Variants in ARHGEF3 observed in about 807,000 individuals in gnomAD.
ARHGEF3 encodes 59.8 kDA protein.
A neutral mutation model predicts 63.2 loss-of-function variants in ARHGEF3; 28 were observed. That is an observed-to-expected ratio of 0.44 (90% CI 0.33 to 0.61). The LOEUF (loss-of-function observed/expected upper bound fraction) is 0.61. Among genes scored for constraint, ARHGEF3 ranks in the 20% least tolerant of loss-of-function variants. The pLI is 0.03. For synonymous variants in ARHGEF3, 266 were observed against 254.2 expected, an observed-to-expected ratio of 1.05 and a Z score of -0.44; for missense variants, 533 against 659.3, an observed-to-expected ratio of 0.81 and a Z score of 2.10.
chr3:56,830,392 A>T (rs4681706), intron 4 of ARHGEF3, among the ~76,000 whole-genome samples: 148,906 of 152,248 alleles, frequency 0.98, 72,912 homozygotes, highest in East Asian at 1. Context: ...ACCTTATCCA[A>T]CTACTTCTCT....
chr3:56,788,281 G>T (rs2036921453), intron 1 of ARHGEF3, among the ~76,000 whole-genome samples: 1 of 152,114 alleles, frequency 6.6e-6, no homozygotes, highest in South Asian at 2.1e-4. Flanking sequence ...AGTCTGCCAA[G>T]CTCCCCAATG....
intron 1 of ARHGEF3, among the ~76,000 whole-genome samples, chr3:57,055,820 G>C (rs969330024): frequency 1.3e-5 from 2 of 152,196 alleles, no homozygotes; most frequent in African/African-American, 4.8e-5. Context: ...CCTACTGTTT[G>C]AGAGAATTTT....
At chr3:56,794,682 T>TA (rs1441143286) in intron 1 of ARHGEF3, among the ~76,000 whole-genome samples, 1 of 152,114 alleles carries the variant, frequency 6.6e-6, no homozygotes, top group Non-Finnish European at 1.5e-5. Flanking sequence ...GTCCATGATA[T>TA]AAAATGGCAT....
intron 3 of ARHGEF3, among the ~76,000 whole-genome samples, chr3:56,941,642 T>C (rs930743117): frequency 2.6e-5 from 4 of 152,148 alleles, no homozygotes; most frequent in Non-Finnish European, 4.4e-5. Flanking sequence ...ATTATTTTGC[T>C]AATTATAAAG....
chr3:56,888,720 T>A (rs2041008137), intron 3 of ARHGEF3, among the ~76,000 whole-genome samples: 1 of 151,964 alleles, frequency 6.6e-6, no homozygotes, highest in Non-Finnish European at 1.5e-5. Context: ...CTGGCCAATA[T>A]GGTGAAACCC....
intron 1 of ARHGEF3, among the ~76,000 whole-genome samples, chr3:57,037,572 C>A (rs1402670882): frequency 6.6e-6 from 1 of 152,174 alleles, no homozygotes; most frequent in Non-Finnish European, 1.5e-5. Flanking sequence ...TAGACAGGCA[C>A]CAATAAACCA....
intron 3 of ARHGEF3, among the ~76,000 whole-genome samples, chr3:56,934,960 G>A (rs1302369903): frequency 6.6e-6 from 1 of 152,238 alleles, no homozygotes; most frequent in East Asian, 1.9e-4. Context: ...GAGTCTTTAT[G>A]TCTAGCTCAG....
At chr3:56,919,030 G>C (rs942620231) in intron 3 of ARHGEF3, among the ~76,000 whole-genome samples, 1 of 152,168 alleles carries the variant, frequency 6.6e-6, no homozygotes, top group African/African-American at 2.4e-5. Flanking sequence ...AAACCCAAAA[G>C]GATTTAGGAG....
chr3:56,980,150 T>G (rs957836110), intron 2 of ARHGEF3, among the ~76,000 whole-genome samples: 17 of 152,202 alleles, frequency 1.1e-4, no homozygotes, highest in African/African-American at 3.6e-4. Context: ...CAGCTCAGCT[T>G]ACCCTACAAA....
chr3:57,010,279 C>A (rs998549581), intron 2 of ARHGEF3, among the ~76,000 whole-genome samples: 9 of 151,974 alleles, frequency 5.9e-5, no homozygotes, highest in South Asian at 2.1e-4. Context: ...ATGGTGAAAC[C>A]CCATCTCTAC....
At chr3:56,781,435 C>G (rs1157483941) in intron 1 of ARHGEF3, among the ~76,000 whole-genome samples, 1 of 120,778 alleles carries the variant, frequency 8.3e-6, no homozygotes, top group Admixed American at 8.0e-5. Flanking sequence ...TTAGTAAAGA[C>G]AGGGTTTCAC....
chr3:57,055,484 T>C (rs1704886329), intron 1 of ARHGEF3, among the ~76,000 whole-genome samples: 1 of 152,150 alleles, frequency 6.6e-6, no homozygotes, highest in Non-Finnish European at 1.5e-5. Flanking sequence ...TTGTGACTTA[T>C]TTAAGAAACC....
intron 3 of ARHGEF3, chr3:56,941,197 G>A (rs1372253709): frequency 6.6e-6 from 1 of 152,548 alleles, no homozygotes; most frequent in Non-Finnish European, 1.5e-5. Flanking sequence ...AGTCCCCAGA[G>A]GCTTAGCCAC....
intron 2 of ARHGEF3, chr3:56,975,692 G>A: frequency 2.9e-6 from 1 of 341,446 alleles, no homozygotes; most frequent in South Asian, 2.3e-5. Flanking sequence ...GATGAACAGA[G>A]AAACAGATGT....
At chr3:57,069,666 G>A (rs183310213) in intron 1 of ARHGEF3, among the ~76,000 whole-genome samples, 76 of 151,586 alleles carry the variant, frequency 5.0e-4, no homozygotes, top group Admixed American at 1.6e-3. Flanking sequence ...TTTCTTTTGA[G>A]ACAGGGTCTT....
intron 4 of ARHGEF3, among the ~76,000 whole-genome samples, chr3:56,860,371 T>A (rs1476959896): frequency 6.6e-6 from 1 of 151,900 alleles, no homozygotes; most frequent in Admixed American, 6.6e-5. Flanking sequence ...TTTGTAGAGA[T>A]GGGGTCTTAC....
rs892352588 is a variant in ARHGEF3 at position 56,854,434 on chromosome 3, G to A, written c.192+27858C>T. ...CCTCAGGCTTTCTCTGAAGGAAACA[G>A]GGAGAAGCAGCAAAGGATGTAAAGT... On this transcript the variant is annotated intron_variant, in intron 4 of 12. Transcript: ENST00000338458. Among the ~76,000 whole-genome samples the A allele has an allele frequency of 2.6e-5, 4 of 152,264 alleles. No individual in the cohort carries two copies. In the South Asian group the frequency reaches 8.3e-4, roughly 32 times the overall value.
At chr3:56,977,832 G>A (rs928777533) in intron 2 of ARHGEF3, among the ~76,000 whole-genome samples, 3 of 152,136 alleles carry the variant, frequency 2.0e-5, no homozygotes, top group Non-Finnish European at 4.4e-5. Flanking sequence ...ACCTCACAGA[G>A]CTGTTGTGAG....
intron 1 of ARHGEF3, among the ~76,000 whole-genome samples, chr3:56,795,653 C>CTTTTTTTTT (rs1324495358): frequency 2.9e-5 from 2 of 69,272 alleles, no homozygotes; most frequent in African/African-American, 8.4e-5. Flanking sequence ...CAGTCTCTCT[C>CTTTTTTTTT]TCTTTTTTTT....
Sources: allele counts gnomAD v4.1 joint callset (sites outside exome capture counted in the v4.1 genomes callset), GRCh38; gene constraint gnomAD v4.1.1; transcripts MANE v1.5; gene names NCBI Gene and HGNC (gene_info 2026-07-23, HGNC 2026-07-21).